SUGCT: variants seen among roughly 807,000 people sequenced by gnomAD.
The protein encoded by SUGCT is succinyl-CoA:glutarate CoA-transferase.
SUGCT carries 41 observed loss-of-function variants against 55.0 expected under a neutral mutation model. The observed-to-expected ratio is 0.74, with a 90% CI of 0.58 to 0.97. The LOEUF is 0.97. SUGCT is among the 50% of genes least tolerant of loss of function. SUGCT has a pLI of 0.00. For synonymous variants in SUGCT, 187 were observed against 200.4 expected (o/e 0.93, Z 0.56); for missense variants, 568 against 547.8 (o/e 1.04, Z -0.37).
At chr7:40,296,387 T>C (rs976342735) in intron 8 of SUGCT, among the ~76,000 whole-genome samples, 1 of 152,226 alleles carries the variant, frequency 6.6e-6, no homozygotes, top group African/African-American at 2.4e-5. Flanking sequence ...ATGGGATCTC[T>C]TTGGTGGTCA....
At chr7:40,998,636 T>A in the SUGCT span, among the ~76,000 whole-genome samples, 1 of 152,232 alleles carries the variant, frequency 6.6e-6, no homozygotes, top group Non-Finnish European at 1.5e-5. Context: ...ATCTCAAAGG[T>A]TCTGATTTAA....
In SUGCT at chr7:40,740,701, C is replaced by T. The variant is rs1326049595; in HGVS notation, c.1090-8733C>T. 2.0e-5 allele frequency among the ~76,000 whole-genome samples: 3 copies of T among 151,888 alleles called. No individual in the cohort carries two copies. In the East Asian group the frequency reaches 5.8e-4, roughly 29 times the overall value. On this transcript the variant is annotated intron_variant, in intron 12 of 13. Coordinates refer to ENST00000335693, the MANE Select transcript of SUGCT (RefSeq NM_001193313.2). ...AAGTTGAGATTATTCCCTTCAATCC[C>T]TAACTTGTGACCTTTTATTATGAAT...
intron 1 of SUGCT, among the ~76,000 whole-genome samples, chr7:40,161,758 C>T (rs767549110): frequency 1.1e-4 from 17 of 152,240 alleles, no homozygotes; most frequent in Admixed American, 4.6e-4. Context: ...TCAGGATGGC[C>T]CGTTAAAGAA....
chr7:40,497,780 T>C (rs1792064803), intron 12 of SUGCT, among the ~76,000 whole-genome samples: 1 of 152,136 alleles, frequency 6.6e-6, no homozygotes, highest in Non-Finnish European at 1.5e-5. Flanking sequence ...TAAGAGTTTT[T>C]CCATCAGCAT....
At chr7:40,382,009 G>A (rs1162210705) in intron 9 of SUGCT, among the ~76,000 whole-genome samples, 1 of 150,630 alleles carries the variant, frequency 6.6e-6, no homozygotes, top group Non-Finnish European at 1.5e-5. Flanking sequence ...AGGGACGTGT[G>A]TGTGTCTGTG....
chr7:40,481,356 T>A (rs933189310), intron 11 of SUGCT, among the ~76,000 whole-genome samples: 2 of 150,032 alleles, frequency 1.3e-5, no homozygotes, highest in Non-Finnish European at 3.0e-5. Context: ...ATATATATAT[T>A]ATATATATAT....
chr7:40,221,259 C>T (rs1788005160), intron 6 of SUGCT, among the ~76,000 whole-genome samples: 1 of 151,284 alleles, frequency 6.6e-6, no homozygotes, highest in Non-Finnish European at 1.5e-5. Flanking sequence ...ACTAAAAATA[C>T]AAAAATTAGC....
intron 12 of SUGCT, among the ~76,000 whole-genome samples, chr7:40,604,049 C>T (rs1231813466): frequency 6.6e-6 from 1 of 152,142 alleles, no homozygotes. Context: ...TAGCCATGTT[C>T]CCTCCTGCTT....
At chr7:40,746,099 A>G (rs968534564) in intron 12 of SUGCT, among the ~76,000 whole-genome samples, 4 of 152,206 alleles carry the variant, frequency 2.6e-5, no homozygotes, top group African/African-American at 9.6e-5. Context: ...AAATTTAATC[A>G]TGTGGCAAAG....
intron 12 of SUGCT, among the ~76,000 whole-genome samples, chr7:40,609,473 A>G (rs1221143880): frequency 6.6e-6 from 1 of 151,326 alleles, no homozygotes; most frequent in African/African-American, 2.4e-5. Context: ...AGGCTGAGGC[A>G]GGAGAATGGC....
At chr7:40,800,934 A>G (rs1181895515) in intron 13 of SUGCT, among the ~76,000 whole-genome samples, 1 of 152,192 alleles carries the variant, frequency 6.6e-6, no homozygotes, top group East Asian at 1.9e-4. Context: ...CTTGAGACAG[A>G]CACAGTTAAG....
At chr7:40,438,247 A>G (rs1307045895) in intron 9 of SUGCT, among the ~76,000 whole-genome samples, 4 of 152,116 alleles carry the variant, frequency 2.6e-5, no homozygotes, top group Non-Finnish European at 4.4e-5. Flanking sequence ...TCTGTATCTT[A>G]TATCTCAGGG....
intron 8 of SUGCT, among the ~76,000 whole-genome samples, chr7:40,298,025 C>G (rs369742931): frequency 6.6e-6 from 1 of 151,488 alleles, no homozygotes; most frequent in South Asian, 2.1e-4. Context: ...CTTTCCTTTC[C>G]CTTCCTTCCC....
chr7:40,361,445 G>C (rs530553066), intron 9 of SUGCT, among the ~76,000 whole-genome samples: 2 of 152,032 alleles, frequency 1.3e-5, no homozygotes, highest in Admixed American at 1.3e-4. Flanking sequence ...GTGGTGACGG[G>C]CACCTGTAGT....
At chr7:40,852,120 G>T (rs1407208043) in intron 13 of SUGCT, among the ~76,000 whole-genome samples, 1 of 152,150 alleles carries the variant, frequency 6.6e-6, no homozygotes, top group Non-Finnish European at 1.5e-5. Context: ...CTCAAACTTG[G>T]CGTGTCCAAA....
intron 9 of SUGCT, among the ~76,000 whole-genome samples, chr7:40,422,079 CTT>C (rs557413958): frequency 4.6e-4 from 60 of 130,014 alleles, no homozygotes; most frequent in African/African-American, 5.9e-4. Context: ...CTGTTTGTAC[CTT>C]TTTTTTTTTT....
intron 12 of SUGCT, among the ~76,000 whole-genome samples, chr7:40,511,793 C>T (rs925076759): frequency 3.3e-5 from 5 of 152,122 alleles, no homozygotes; most frequent in Admixed American, 2.6e-4. Flanking sequence ...TCATTTTTGT[C>T]TCATTTCACA....
intron 12 of SUGCT, among the ~76,000 whole-genome samples, chr7:40,570,802 G>A (rs1584012539): frequency 6.7e-6 from 1 of 148,288 alleles, no homozygotes; most frequent in East Asian, 2.0e-4. Context: ...GTAAAACAGC[G>A]ATGAGTTTGC....
At chr7:40,589,283 ACAATG>A (rs1797580001) in intron 12 of SUGCT, among the ~76,000 whole-genome samples, 1 of 152,088 alleles carries the variant, frequency 6.6e-6, no homozygotes, top group Admixed American at 6.6e-5. Flanking sequence ...TGCTACTTTA[ACAATG>A]CATGAGACTG....
Sources: allele counts gnomAD v4.1 joint callset (sites outside exome capture counted in the v4.1 genomes callset), GRCh38; gene constraint gnomAD v4.1.1; transcripts MANE v1.5; gene names NCBI Gene and HGNC (gene_info 2026-07-23, HGNC 2026-07-21).